CHN2: variants seen among roughly 807,000 people sequenced by gnomAD.
The protein encoded by CHN2 is beta-chimaerin.
A neutral mutation model predicts 56.3 loss-of-function variants in CHN2; 35 were observed. That is an observed-to-expected ratio of 0.62 (90% CI 0.47 to 0.82). The LOEUF (loss-of-function observed/expected upper bound fraction) is 0.82, where lower values mean the gene tolerates loss of function less well. CHN2 is among the 40% of genes least tolerant of loss of function. CHN2 has a pLI of 0.00. For missense variants in CHN2, 491 were observed against 580.5 expected, an observed-to-expected ratio of 0.85 and a Z score of 1.58; for synonymous variants, 210 against 212.8, an observed-to-expected ratio of 0.99 and a Z score of 0.12.
Position 29,353,822 on chromosome 7 carries a change from T to C in CHN2, c.50-803T>C, listed in dbSNP as rs550129904. 1.7e-3 allele frequency among the ~76,000 whole-genome samples: 265 copies of C among 152,274 alleles called. 4 individuals carry two copies. Among genetic ancestry groups the C allele is most frequent in the Non-Finnish European group, 2.1e-3 (143 of 68,018 alleles). On this transcript the variant is annotated intron_variant, in intron 1 of 12. Coordinates refer to ENST00000222792, the MANE Select transcript of CHN2 (RefSeq NM_004067.4). ...TCTGTAGTTTGGAAAAAAAGGATTTTTTTCTGCTCTATGAGTTAGACCGTG... is the reference window on the plus strand; with the variant it reads ...TCTGTAGTTTGGAAAAAAAGGATTTCTTTCTGCTCTATGAGTTAGACCGTG...
At chr7:29,363,197 A>G (rs544086285) in intron 2 of CHN2, among the ~76,000 whole-genome samples, 1 of 152,346 alleles carries the variant, frequency 6.6e-6, no homozygotes, top group East Asian at 1.9e-4. Flanking sequence ...TTAAACATGT[A>G]CTACAAGGCT....
intron 1 of CHN2, among the ~76,000 whole-genome samples, chr7:29,277,435 G>A (rs1311426986): frequency 6.6e-6 from 1 of 152,190 alleles, no homozygotes; most frequent in Non-Finnish European, 1.5e-5. Context: ...CTGCAAAGCA[G>A]GAATCAGGTA....
At chr7:29,481,752 C>T (rs1463457966) in intron 7 of CHN2, among the ~76,000 whole-genome samples, 1 of 147,142 alleles carries the variant, frequency 6.8e-6, no homozygotes, top group Non-Finnish European at 1.5e-5. Context: ...AGCAGAAATC[C>T]TTGATTTTTT....
chr7:29,164,485 G>A (rs1015414175), intron 2 of CHN2, among the ~76,000 whole-genome samples: 29 of 151,702 alleles, frequency 1.9e-4, no homozygotes, highest in Middle Eastern at 6.9e-3. Flanking sequence ...TTTTTGAAGA[G>A]CAAAAGTGTT....
chr7:29,472,263 A>T (rs1222244074), intron 6 of CHN2, among the ~76,000 whole-genome samples: 1 of 102,634 alleles, frequency 9.7e-6, no homozygotes, highest in Non-Finnish European at 2.3e-5. Context: ...GAAGCTTTTC[A>T]AAACAAAATA....
chr7:29,283,609 T>C (rs1186456472), intron 1 of CHN2, among the ~76,000 whole-genome samples: 3 of 152,132 alleles, frequency 2.0e-5, no homozygotes, highest in Non-Finnish European at 4.4e-5. Context: ...TTTATATTTA[T>C]ATTTTTATTT....
intron 1 of CHN2, among the ~76,000 whole-genome samples, chr7:29,221,039 A>G (rs1164632471): frequency 1.3e-5 from 2 of 152,214 alleles, no homozygotes; most frequent in African/African-American, 4.8e-5. Context: ...TCAGTAGAGA[A>G]GACTAATTTG....
At chr7:29,252,476 C>T (rs1488472402) in intron 1 of CHN2, among the ~76,000 whole-genome samples, 6 of 151,368 alleles carry the variant, frequency 4.0e-5, no homozygotes, top group Non-Finnish European at 8.8e-5. Flanking sequence ...GCGCAAGCCA[C>T]TGCACCCGGC....
chr7:29,254,605 G>A (rs554732411), intron 1 of CHN2, among the ~76,000 whole-genome samples: 2 of 152,052 alleles, frequency 1.3e-5, no homozygotes, highest in South Asian at 2.1e-4. Flanking sequence ...AGAGAACCAC[G>A]ACTGCTCCAG....
At chr7:29,175,678 C>T (rs1357693429) in intron 2 of CHN2, among the ~76,000 whole-genome samples, 2 of 151,854 alleles carry the variant, frequency 1.3e-5, no homozygotes, top group Non-Finnish European at 2.9e-5. Flanking sequence ...AACAGACTAA[C>T]ACAGATAAAT....
At chr7:29,366,135 G>A (rs1377135655) in intron 2 of CHN2, among the ~76,000 whole-genome samples, 1 of 152,186 alleles carries the variant, frequency 6.6e-6, no homozygotes, top group Admixed American at 6.5e-5. Flanking sequence ...TTGAAGTTGA[G>A]GTCCCTTTTC....
intron 2 of CHN2, among the ~76,000 whole-genome samples, chr7:29,165,731 T>A (rs1240866058): frequency 6.6e-6 from 1 of 152,216 alleles, no homozygotes; most frequent in Non-Finnish European, 1.5e-5. Context: ...TTTTCTTTTT[T>A]AAATTTTTTC....
intron 1 of CHN2, among the ~76,000 whole-genome samples, chr7:29,340,404 G>C (rs1319735964): frequency 1.3e-5 from 2 of 151,694 alleles, no homozygotes; most frequent in African/African-American, 2.4e-5. Flanking sequence ...TTGCTTGGGG[G>C]GGGGCCTCAA....
intron 1 of CHN2, among the ~76,000 whole-genome samples, chr7:29,298,874 TAA>T (rs34520366): frequency 4.0e-5 from 6 of 151,520 alleles, no homozygotes; most frequent in African/African-American, 1.5e-4. Context: ...TCATTTTTGT[TAA>T]AAAAAAAATT....
intron 1 of CHN2, among the ~76,000 whole-genome samples, chr7:29,283,476 G>A (rs1791893580): frequency 6.6e-6 from 1 of 152,040 alleles, no homozygotes; most frequent in South Asian, 2.1e-4. Context: ...TCTTTATTAG[G>A]TTACATTATA....
At chr7:29,218,492 A>G (rs941059806) in intron 1 of CHN2, among the ~76,000 whole-genome samples, 2 of 152,154 alleles carry the variant, frequency 1.3e-5, no homozygotes, top group African/African-American at 4.8e-5. Flanking sequence ...TGCTATAAAG[A>G]CACATGCACA....
chr7:29,184,992 T>G (rs1194237618), intron 2 of CHN2, among the ~76,000 whole-genome samples: 1 of 152,228 alleles, frequency 6.6e-6, no homozygotes, highest in Non-Finnish European at 1.5e-5. Context: ...TAGATGTCTC[T>G]AAGTGCATTT....
intron 6 of CHN2, among the ~76,000 whole-genome samples, chr7:29,458,658 C>T (rs1784942049): frequency 6.6e-6 from 1 of 152,152 alleles, no homozygotes; most frequent in Non-Finnish European, 1.5e-5. Flanking sequence ...TATCAGATTA[C>T]TTGGCCAAGG....
intron 6 of CHN2, among the ~76,000 whole-genome samples, chr7:29,475,897 G>C (rs1786552377): frequency 6.6e-6 from 1 of 152,224 alleles, no homozygotes; most frequent in Admixed American, 6.5e-5. Context: ...ATGAGCAGTG[G>C]TACTGATGGG....
Sources: gnomAD v4.1 joint callset for allele counts (sites outside exome capture counted in the v4.1 genomes callset) on GRCh38, gnomAD v4.1.1 for gene constraint, MANE v1.5 for transcripts, NCBI Gene and HGNC (gene_info 2026-07-23, HGNC 2026-07-21) for gene names.